Variants in LRFN5 observed in about 807,000 individuals in gnomAD.
The protein encoded by LRFN5 is leucine-rich repeat and fibronectin type-III domain-containing protein 5.
A neutral mutation model predicts 45.6 loss-of-function variants in LRFN5; 24 were observed. That is an observed-to-expected ratio of 0.53 (90% CI 0.38 to 0.74). LRFN5 has a LOEUF of 0.74. Among genes scored for constraint, LRFN5 ranks in the 30% least tolerant of loss-of-function variants. The pLI, the probability that LRFN5 is intolerant of heterozygous loss-of-function variation, is 0.00. For synonymous variants in LRFN5, 340 were observed against 313.8 expected (o/e 1.08, Z -0.88); for missense variants, 776 against 861.5 (o/e 0.90, Z 1.24).
At chr14:41,646,348 TCTATTC>T (rs1879819467) in intron 1 of LRFN5, among the ~76,000 whole-genome samples, 1 of 152,190 alleles carries the variant, frequency 6.6e-6, no homozygotes, top group African/African-American at 2.4e-5. Flanking sequence ...GAAATTTCTT[TCTATTC>T]CTATTCCTAT....
intron 2 of LRFN5, among the ~76,000 whole-genome samples, chr14:41,873,351 A>C (rs1197361624): frequency 6.6e-6 from 1 of 151,962 alleles, no homozygotes; most frequent in Non-Finnish European, 1.5e-5. Context: ...AATGTACTAA[A>C]TATTCTTAAT....
At chr14:41,807,147 C>G (rs933396836) in intron 2 of LRFN5, among the ~76,000 whole-genome samples, 1 of 152,124 alleles carries the variant, frequency 6.6e-6, no homozygotes, top group Admixed American at 6.6e-5. Context: ...GTAATGCAAA[C>G]ATCCAGAATA....
At chr14:41,637,891 G>T (rs530146416) in intron 1 of LRFN5, among the ~76,000 whole-genome samples, 1 of 152,066 alleles carries the variant, frequency 6.6e-6, no homozygotes, top group Non-Finnish European at 1.5e-5. Context: ...TCTGCCCATG[G>T]GCTCCACTGC....
intron 1 of LRFN5, among the ~76,000 whole-genome samples, chr14:41,657,394 G>C (rs543302993): frequency 6.6e-6 from 1 of 152,016 alleles, no homozygotes; most frequent in South Asian, 2.1e-4. Context: ...TATCTTGAAT[G>C]ATGTAAAAGC....
chr14:41,813,925 T>G (rs540674017), intron 2 of LRFN5, among the ~76,000 whole-genome samples: 6 of 152,206 alleles, frequency 3.9e-5, no homozygotes, highest in Non-Finnish European at 4.4e-5. Flanking sequence ...ATGATGAGCT[T>G]TTTTTCATAT....
chr14:41,778,475 G>A lies in LRFN5; in HGVS notation c.-21+11446G>A, dbSNP rs115181910. The stretch of plus-strand genomic sequence containing the variant: ...TTCCCAGTTTATTTCTTTGATTATC[G>A]TTGGTTTCTATACTGCCATTTGCTC... On this transcript the variant is annotated intron_variant, in intron 2 of 5. Transcript: ENST00000298119. Among the ~76,000 whole-genome samples, 315 of 151,544 alleles carry A rather than the reference G, an allele frequency of 2.1e-3. 2 individuals carry two copies. Among genetic ancestry groups the A allele is most frequent in the African/African-American group, 6.1e-3 (253 of 41,428 alleles).
chr14:41,804,904 G>A (rs944084067), intron 2 of LRFN5, among the ~76,000 whole-genome samples: 5 of 152,024 alleles, frequency 3.3e-5, no homozygotes, highest in Non-Finnish European at 5.9e-5. Context: ...GAATAGAAAT[G>A]TGCATTTCCT....
chr14:41,607,437 G>T lies in LRFN5; in HGVS notation c.-1322G>T, dbSNP rs1950835. The T allele has an allele frequency of 0.42, 64,298 of 152,220 alleles. 14,313 individuals are homozygous for T. Among genetic ancestry groups the T allele is most frequent in the Non-Finnish European group, 0.5 (34,256 of 68,124 alleles). The allele number at this position is 152,220 out of a possible 1,614,324, so 9.4% of individuals were successfully genotyped here. On this transcript the variant is annotated 5_prime_UTR_variant, in exon 1 of 6. Coordinates refer to ENST00000298119, the MANE Select transcript of LRFN5 (RefSeq NM_152447.5). ...ATAACCTCCCTGCTGGCCCTTCTGTGTTCCGGAAAGATCCTGGATGTTGGC... is the reference window on the plus strand; with the variant it reads ...ATAACCTCCCTGCTGGCCCTTCTGTTTTCCGGAAAGATCCTGGATGTTGGC...
At chr14:41,724,516 A>G (rs1240296294) in intron 1 of LRFN5, among the ~76,000 whole-genome samples, 1 of 152,148 alleles carries the variant, frequency 6.6e-6, no homozygotes, top group African/African-American at 2.4e-5. Context: ...AATAATTTGC[A>G]TTTGAGATCT....
intron 1 of LRFN5, among the ~76,000 whole-genome samples, chr14:41,691,774 A>G (rs1197414983): frequency 6.6e-6 from 1 of 152,024 alleles, no homozygotes; most frequent in Non-Finnish European, 1.5e-5. Flanking sequence ...ATTCCTTACT[A>G]TTCCCAGAGA....
At chr14:41,789,442 G>A (rs932444757) in intron 2 of LRFN5, among the ~76,000 whole-genome samples, 4 of 151,980 alleles carry the variant, frequency 2.6e-5, no homozygotes, top group Non-Finnish European at 5.9e-5. Context: ...ATATTCACTT[G>A]AATCCAACTA....
At chr14:41,674,615 C>T (rs1594604919) in intron 1 of LRFN5, among the ~76,000 whole-genome samples, 1 of 149,982 alleles carries the variant, frequency 6.7e-6, no homozygotes, top group Admixed American at 6.6e-5. Flanking sequence ...GACCCCCCCA[C>T]CTCCCTCCTG....
chr14:41,642,722 A>G (rs1038517514), intron 1 of LRFN5, among the ~76,000 whole-genome samples: 2 of 152,220 alleles, frequency 1.3e-5, no homozygotes, highest in Non-Finnish European at 2.9e-5. Flanking sequence ...AATACATCTC[A>G]TGATTCATGG....
At chr14:41,628,274 A>G (rs574079003) in intron 1 of LRFN5, among the ~76,000 whole-genome samples, 3 of 152,306 alleles carry the variant, frequency 2.0e-5, no homozygotes, top group African/African-American at 7.2e-5. Flanking sequence ...AGGCAAAAAT[A>G]AAAGATTTCT....
intron 2 of LRFN5, among the ~76,000 whole-genome samples, chr14:41,783,266 C>T (rs1281983434): frequency 6.6e-6 from 1 of 152,100 alleles, no homozygotes; most frequent in Non-Finnish European, 1.5e-5. Context: ...CTCACTCTCA[C>T]TCTCAGCCTT....
At chr14:41,682,328 C>G (rs1345178380) in intron 1 of LRFN5, among the ~76,000 whole-genome samples, 2 of 151,738 alleles carry the variant, frequency 1.3e-5, no homozygotes, top group African/African-American at 4.8e-5. Context: ...AAACAAACAA[C>G]AAAACATTAA....
chr14:41,793,421 A>C (rs1310610467), intron 2 of LRFN5, among the ~76,000 whole-genome samples: 1 of 152,078 alleles, frequency 6.6e-6, no homozygotes, highest in Non-Finnish European at 1.5e-5. Context: ...TTTCCAGTAA[A>C]ATTTCATAAT....
chr14:41,718,375 C>A (rs1883576647), intron 1 of LRFN5, among the ~76,000 whole-genome samples: 1 of 152,076 alleles, frequency 6.6e-6, no homozygotes, highest in Admixed American at 6.5e-5. Flanking sequence ...GCCAACTATA[C>A]CATTAAGTGT....
intron 1 of LRFN5, among the ~76,000 whole-genome samples, chr14:41,673,787 C>G (rs1019191310): frequency 9.5e-5 from 14 of 146,784 alleles, no homozygotes; most frequent in African/African-American, 3.5e-4. Flanking sequence ...GGGCGGCTGG[C>G]CGGGCGGGGG....
Sources: gnomAD v4.1 joint callset for allele counts (sites outside exome capture counted in the v4.1 genomes callset) on GRCh38, gnomAD v4.1.1 for gene constraint, MANE v1.5 for transcripts, NCBI Gene and HGNC (gene_info 2026-07-23, HGNC 2026-07-21) for gene names.